The following TRHDE variants were observed in gnomAD, a reference collection of about 807,000 sequenced individuals.
TRHDE encodes thyrotropin releasing hormone degrading enzyme, also known as thyrotropin-releasing hormone-degrading ectoenzyme.
In TRHDE, 72 loss-of-function variants were observed where a neutral mutation model predicts 125.7. That is an observed-to-expected ratio of 0.57 (90% CI 0.47 to 0.70). The LOEUF (loss-of-function observed/expected upper bound fraction) is 0.70, where lower values mean the gene tolerates loss of function less well. Ranked by LOEUF, TRHDE falls within the 30% of genes least tolerant of loss-of-function variation. The probability of loss-of-function intolerance (pLI) is 0.00; values close to 1 mark genes in which losing one functional copy is unlikely to be tolerated. For missense variants in TRHDE, 1,110 were observed against 1,327.1 expected (o/e 0.84, Z 2.54); for synonymous variants, 509 against 509.1 (o/e 1.00, Z 0.00).
At chr12:72,640,245 CG>C (rs1873991809) in intron 15 of TRHDE, among the ~76,000 whole-genome samples, 1 of 152,206 alleles carries the variant, frequency 6.6e-6, no homozygotes, top group Non-Finnish European at 1.5e-5. Flanking sequence ...GCACAGTATT[CG>C]GGTGGGAGTG....
At chr12:72,556,108 G>C (rs1458344026) in intron 7 of TRHDE, among the ~76,000 whole-genome samples, 1 of 152,050 alleles carries the variant, frequency 6.6e-6, no homozygotes, top group Non-Finnish European at 1.5e-5. Context: ...CATATCTACT[G>C]TTCATAAGAA....
chr12:72,262,506 G>A (rs1428602477), intron 2 of TRHDE: 1 of 152,046 alleles, frequency 6.6e-6, no homozygotes, highest in East Asian at 1.9e-4. Flanking sequence ...AAATGAAGGA[G>A]TGGCACAAAG....
At chr12:72,559,254 C>A (rs1870062277) in intron 7 of TRHDE, among the ~76,000 whole-genome samples, 1 of 152,096 alleles carries the variant, frequency 6.6e-6, no homozygotes, top group African/African-American at 2.4e-5. Context: ...ACTATTCATT[C>A]TTTTAACACT....
intron 3 of TRHDE, among the ~76,000 whole-genome samples, chr12:72,380,766 GCTTCCTTCCTTCCTTC>G (rs3085951): frequency 6.9e-4 from 49 of 71,070 alleles, no homozygotes; most frequent in Non-Finnish European, 6.9e-4. Flanking sequence ...TTCCTTCCTT[GCTTCCTTCCTTCCTTC>G]CTTCCTTCCT....
At chr12:72,335,942 T>TA (rs1409818704) in intron 2 of TRHDE, among the ~76,000 whole-genome samples, 2 of 152,226 alleles carry the variant, frequency 1.3e-5, no homozygotes, top group Non-Finnish European at 2.9e-5. Context: ...AGTTGGATAA[T>TA]ACATTTAACA....
chr12:72,153,063 T>G (rs1024393240), intron 2 of TRHDE, among the ~76,000 whole-genome samples: 1 of 152,228 alleles, frequency 6.6e-6, no homozygotes, highest in African/African-American at 2.4e-5. Flanking sequence ...AATTATTGCC[T>G]CAATTTCAGC....
chr12:72,474,540 A>G (rs1329730194), intron 5 of TRHDE, among the ~76,000 whole-genome samples: 1 of 152,064 alleles, frequency 6.6e-6, no homozygotes, highest in Admixed American at 6.5e-5. Context: ...TGTCTATTTT[A>G]TCTCGCTTGG....
chr12:72,559,357 T>TAAAC (rs1377319070), intron 7 of TRHDE, among the ~76,000 whole-genome samples: 2 of 152,210 alleles, frequency 1.3e-5, no homozygotes, highest in African/African-American at 2.4e-5. Context: ...CACAAAGAGT[T>TAAAC]AAACAGCTTT....
chr12:72,469,389 G>T (rs1876535912), intron 3 of TRHDE, among the ~76,000 whole-genome samples: 2 of 152,112 alleles, frequency 1.3e-5, no homozygotes. Flanking sequence ...AGTATTTACT[G>T]CATTGAGTCA....
intron 6 of TRHDE, among the ~76,000 whole-genome samples, chr12:72,501,047 C>A (rs1878134555): frequency 5.9e-5 from 9 of 151,416 alleles, no homozygotes; most frequent in Admixed American, 2.0e-4. Context: ...CCTTTAGGTC[C>A]CCTTTATTTC....
chr12:72,493,530 T>C (rs1272693917), intron 5 of TRHDE, among the ~76,000 whole-genome samples: 1 of 151,978 alleles, frequency 6.6e-6, no homozygotes, highest in Non-Finnish European at 1.5e-5. Flanking sequence ...TCCAGTTGCT[T>C]ATCACTCTAG....
chr12:72,318,962 C>T (rs941167224), intron 2 of TRHDE, among the ~76,000 whole-genome samples: 6 of 151,940 alleles, frequency 3.9e-5, no homozygotes, highest in African/African-American at 1.5e-4. Context: ...GATTCTCTCC[C>T]GAATCGACAT....
intron 2 of TRHDE, among the ~76,000 whole-genome samples, chr12:72,224,489 A>C (rs1385760403): frequency 6.6e-6 from 1 of 152,116 alleles, no homozygotes; most frequent in African/African-American, 2.4e-5. Context: ...TCGTGACTGA[A>C]AAATATTATT....
rs574278381 is a variant in TRHDE at position 72,169,419 on chromosome 12, T to C, written n.279+63667T>C. Among the ~76,000 whole-genome samples, 3 of 152,310 alleles carry C rather than the reference T, an allele frequency of 2.0e-5. No individual in the cohort carries two copies. In the South Asian group the frequency reaches 6.2e-4, roughly 32 times the overall value. ...AACAACAGGAATTTATTTTCTTACA[T>C]ATCTGGAGGCTAGACGTCTCAGATC... On this transcript the variant is annotated intron_variant and non_coding_transcript_variant, in intron 2 of 4. Transcript: ENST00000548156.
chr12:72,176,614 CTG>C (rs1222040241), intron 2 of TRHDE, among the ~76,000 whole-genome samples: 4 of 152,036 alleles, frequency 2.6e-5, no homozygotes, highest in East Asian at 1.9e-4. Context: ...TTCTAAGAAA[CTG>C]TTATTAAATC....
chr12:72,181,217 G>A (rs1053485846), intron 2 of TRHDE, among the ~76,000 whole-genome samples: 34 of 152,122 alleles, frequency 2.2e-4, no homozygotes, highest in African/African-American at 8.0e-4. Context: ...GTAGTAGGAA[G>A]GGGTGAAGGA....
chr12:72,459,236 T>C (rs1876013224), intron 3 of TRHDE, among the ~76,000 whole-genome samples: 1 of 152,182 alleles, frequency 6.6e-6, no homozygotes, highest in African/African-American at 2.4e-5. Context: ...TGATATTGGG[T>C]CCACCTGTAT....
intron 2 of TRHDE, among the ~76,000 whole-genome samples, chr12:72,290,971 G>A (rs1880066959): frequency 6.6e-6 from 1 of 152,212 alleles, no homozygotes; most frequent in Admixed American, 6.5e-5. Context: ...GCTCTTGACA[G>A]GAGGAGTGTA....
At chr12:72,381,548 A>G (rs1041180149) in intron 3 of TRHDE, among the ~76,000 whole-genome samples, 5 of 151,626 alleles carry the variant, frequency 3.3e-5, no homozygotes, top group South Asian at 2.1e-4. Flanking sequence ...GGCGCCCGCC[A>G]CTACGCCTGG....
Sources: gnomAD v4.1 joint callset for allele counts (sites outside exome capture counted in the v4.1 genomes callset) on GRCh38, gnomAD v4.1.1 for gene constraint, MANE v1.5 for transcripts, NCBI Gene and HGNC (gene_info 2026-07-23, HGNC 2026-07-21) for gene names.